PDE4D: variants seen among roughly 807,000 people sequenced by gnomAD.
The protein encoded by PDE4D is 3',5'-cyclic-AMP phosphodiesterase 4D.
PDE4D carries 24 observed loss-of-function variants against 87.4 expected under a neutral mutation model. The ratio of observed to expected loss-of-function variants is 0.27; its 90% CI spans 0.20 to 0.39. The LOEUF (loss-of-function observed/expected upper bound fraction) is 0.39. Among genes scored for constraint, PDE4D ranks in the 10% least tolerant of loss-of-function variants. PDE4D has a pLI of 1.00. For synonymous variants in PDE4D, 384 were observed against 383.2 expected, an observed-to-expected ratio of 1.00 and a Z score of -0.02; for missense variants, 714 against 1,041.0, an observed-to-expected ratio of 0.69 and a Z score of 4.32.
intron 1 of PDE4D, among the ~76,000 whole-genome samples, chr5:59,571,842 TA>T (rs1280864408): frequency 2.0e-5 from 3 of 152,226 alleles, no homozygotes; most frequent in Non-Finnish European, 4.4e-5. Flanking sequence ...CAAATAGTTT[TA>T]GGGGGATAAT....
chr5:59,437,787 T>A (rs1352805435), intron 1 of PDE4D, among the ~76,000 whole-genome samples: 1 of 151,918 alleles, frequency 6.6e-6, no homozygotes, highest in East Asian at 1.9e-4. Context: ...TATTATGAGA[T>A]AGAAATAAAA....
chr5:59,065,785 G>A (rs1242020073), intron 5 of PDE4D, among the ~76,000 whole-genome samples: 1 of 152,132 alleles, frequency 6.6e-6, no homozygotes, highest in East Asian at 1.9e-4. Context: ...GCATTTGGAA[G>A]TTATTGAGAC....
At chr5:59,676,226 G>C (rs1748061809) in intron 1 of PDE4D, among the ~76,000 whole-genome samples, 1 of 152,116 alleles carries the variant, frequency 6.6e-6, no homozygotes. Context: ...ACAGTCATAA[G>C]AGGTTTTAAG....
chr5:59,485,005 A>G (rs892851373), intron 1 of PDE4D, among the ~76,000 whole-genome samples: 3 of 152,208 alleles, frequency 2.0e-5, no homozygotes, highest in Admixed American at 6.5e-5. Context: ...GTTTTGGATC[A>G]CTTTTTTAAA....
intron 2 of PDE4D, among the ~76,000 whole-genome samples, chr5:59,996,856 C>G (rs1212393028): frequency 2.6e-5 from 4 of 152,098 alleles, no homozygotes; most frequent in African/African-American, 9.7e-5. Context: ...CAGGTTAACA[C>G]AAAGATAACA....
chr5:59,569,607 T>C (rs114036410), intron 1 of PDE4D, among the ~76,000 whole-genome samples: 1,652 of 152,324 alleles, frequency 0.011, 28 homozygotes, highest in African/African-American at 0.038. Context: ...GTTCTGACCA[T>C]TAGAACATCC....
chr5:59,742,422 C>T (rs1036873566), intron 1 of PDE4D, among the ~76,000 whole-genome samples: 5 of 152,164 alleles, frequency 3.3e-5, no homozygotes, highest in African/African-American at 1.2e-4. Context: ...CATGTTTAGA[C>T]ACATGGACAA....
chr5:58,985,693 T>TGTCCA (rs1227384516), intron 11 of PDE4D, among the ~76,000 whole-genome samples: 5 of 152,220 alleles, frequency 3.3e-5, no homozygotes, highest in Non-Finnish European at 7.3e-5. Context: ...GCTCCAGCTC[T>TGTCCA]GAGGCAAGAG....
chr5:59,803,458 A>C (rs1280632568), intron 1 of PDE4D, among the ~76,000 whole-genome samples: 1 of 151,892 alleles, frequency 6.6e-6, no homozygotes, highest in Admixed American at 6.6e-5. Flanking sequence ...GCCATCACGC[A>C]CAGCTAATCT....
chr5:60,346,734 A>G (rs1758778663), intron 1 of PDE4D, among the ~76,000 whole-genome samples: 2 of 152,156 alleles, frequency 1.3e-5, no homozygotes, highest in African/African-American at 2.4e-5. Context: ...AGAGTCTGGA[A>G]TAAAGGGGAT....
intron 1 of PDE4D, among the ~76,000 whole-genome samples, chr5:59,700,254 C>A (rs542615487): frequency 2.0e-5 from 3 of 152,288 alleles, no homozygotes; most frequent in African/African-American, 7.2e-5. Context: ...AGTAACTTTG[C>A]AGTAGTTGGC....
At chr5:60,014,051 C>T (rs1330303351) in intron 2 of PDE4D, among the ~76,000 whole-genome samples, 1 of 149,282 alleles carries the variant, frequency 6.7e-6, no homozygotes, top group Non-Finnish European at 1.5e-5. Context: ...CGAGATCATG[C>T]CACTGCACTC....
chr5:60,521,612 G>A (rs1278283806), intron 1 of PDE4D: 2 of 152,052 alleles, frequency 1.3e-5, no homozygotes, highest in Admixed American at 6.5e-5. Flanking sequence ...GCTTCACAGG[G>A]TGCTGTGAAG....
chr5:59,439,744 C>G (rs1797313014), intron 1 of PDE4D, among the ~76,000 whole-genome samples: 1 of 152,058 alleles, frequency 6.6e-6, no homozygotes, highest in South Asian at 2.1e-4. Flanking sequence ...GCTTTGCTGC[C>G]ATGGAGCCCT....
intron 1 of PDE4D, among the ~76,000 whole-genome samples, chr5:59,685,058 T>C (rs1217528814): frequency 6.6e-6 from 1 of 152,198 alleles, no homozygotes; most frequent in Non-Finnish European, 1.5e-5. Flanking sequence ...ACATAGAGTA[T>C]AGAGTATGTA....
chr5:59,307,497 C>T (rs1211834176), intron 1 of PDE4D, among the ~76,000 whole-genome samples: 1 of 152,138 alleles, frequency 6.6e-6, no homozygotes, highest in African/African-American at 2.4e-5. Context: ...CTACAATGAA[C>T]TCAAACAAAT....
intron 2 of PDE4D, among the ~76,000 whole-genome samples, chr5:60,024,648 G>T (rs932715196): frequency 2.6e-5 from 4 of 152,056 alleles, no homozygotes; most frequent in African/African-American, 4.8e-5. Context: ...CTCCAAATGA[G>T]CACTGCAGTT....
At chr5:58,976,265 ATACATC>A in intron 13 of PDE4D, 79 bp downstream of exon 13, 1 of 1,391,350 alleles carries the variant, frequency 7.2e-7, no homozygotes, top group Non-Finnish European at 9.7e-7. Context: ...GAAGGAAGAA[ATACATC>A]TTATCAAAGC....
At chr5:60,053,181 A>T (rs1410543266) in intron 2 of PDE4D, among the ~76,000 whole-genome samples, 1 of 152,214 alleles carries the variant, frequency 6.6e-6, no homozygotes, top group Non-Finnish European at 1.5e-5. Context: ...CAGAATTAGA[A>T]AAAAGCTACT....
Sources: gnomAD v4.1 joint callset for allele counts (sites outside exome capture counted in the v4.1 genomes callset) on GRCh38, gnomAD v4.1.1 for gene constraint, MANE v1.5 for transcripts, NCBI Gene and HGNC (gene_info 2026-07-23, HGNC 2026-07-21) for gene names.